The following ADAP1 variants were observed in gnomAD, a reference collection of about 807,000 sequenced individuals.
ADAP1 encodes the protein arf-GAP with dual PH domain-containing protein 1.
A neutral mutation model predicts 54.9 loss-of-function variants in ADAP1; 31 were observed. The observed-to-expected ratio is 0.56, with a 90% confidence interval of 0.42 to 0.76. ADAP1 has a LOEUF of 0.76. ADAP1 is among the 30% of genes least tolerant of loss of function. The probability of loss-of-function intolerance (pLI) is 0.00; values close to 1 mark genes in which losing one functional copy is unlikely to be tolerated. For synonymous variants in ADAP1, 313 were observed against 202.6 expected, an observed-to-expected ratio of 1.55 and a Z score of -4.63; for missense variants, 535 against 512.4, an observed-to-expected ratio of 1.04 and a Z score of -0.42.
chr7:899,309 C>G (rs781437429), intron 9 of ADAP1, 48 bp from the exon 10 acceptor site: 1 of 1,608,482 alleles, frequency 6.2e-7, no homozygotes, highest in South Asian at 1.1e-5. Context: ...CCTTCCAGCC[C>G]CGCTTCACTC....
At chr7:936,807 T>C (rs924500033) in intron 1 of ADAP1, among the ~76,000 whole-genome samples, 1 of 152,240 alleles carries the variant, frequency 6.6e-6, no homozygotes, top group African/African-American at 2.4e-5. Context: ...GGTGCGGCTG[T>C]GGACCCAAGC....
Position 920,899 on chromosome 7 carries a change from A to C in ADAP1, c.306-849T>G. On this transcript the variant is annotated intron_variant, in intron 3 of 10. Transcript: ENST00000265846. The surrounding 1 kb of genome is among the most constrained non-coding windows in gnomAD (Gnocchi z 4.5). Reference sequence around the variant, plus strand: ...ACTCCCAGGGAATTACGCGGCAAAGAACAAATAGGAACCCTGTGGCTTCCT... The same window carrying C: ...ACTCCCAGGGAATTACGCGGCAAAGCACAAATAGGAACCCTGTGGCTTCCT... 1 of 1,546,350 alleles carries C rather than the reference A, an allele frequency of 6.5e-7. No individual in the cohort carries two copies. Among genetic ancestry groups the C allele is most frequent in the Non-Finnish European group, 8.7e-7 (1 of 1,144,000 alleles).
At position 919,973 on chromosome 7, in the gene ADAP1, G is replaced by A. The variant is rs745515488; in HGVS notation, c.383C>T (p.Ser128Leu). Residue 128 changes from serine (S) to leucine (L), a missense_variant, in exon 4 of 11, where the codon TCG (serine) becomes TTG (leucine). Transcript: ENST00000265846. The stretch of plus-strand genomic sequence containing the variant: ...CCCCACCCGGGTGGCCTCACCTGCC[G>A]AGTAGGGCTCCTGCTTCTCCGGGTA... Reference protein sequence around the residue: ...FIYPEKQEPYSAGYREGFLWK... With the variant: ...FIYPEKQEPYLAGYREGFLWK... The A allele has an allele frequency of 6.2e-6, 10 of 1,605,320 alleles. No individual in the cohort carries two copies. Among genetic ancestry groups the A allele is most frequent in the South Asian group, 4.4e-5 (4 of 90,932 alleles).
chr7:919,566 G>C (rs1244745907), intron 4 of ADAP1, among the ~76,000 whole-genome samples: 2 of 148,762 alleles, frequency 1.3e-5, no homozygotes, highest in South Asian at 4.4e-4. Flanking sequence ...CAGAGATAGA[G>C]AGAGGATGAG....
At chr7:906,688 G>GAAA (rs1845417459) in intron 4 of ADAP1, among the ~76,000 whole-genome samples, 1 of 62,754 alleles carries the variant, frequency 1.6e-5, no homozygotes, top group Non-Finnish European at 2.9e-5. Context: ...CAGGGGACAC[G>GAAA]GGGGACATGG....
At chr7:910,270 CT>C (rs543799061) in intron 4 of ADAP1, among the ~76,000 whole-genome samples, 594 of 144,752 alleles carry the variant, frequency 4.1e-3, no homozygotes, top group East Asian at 7.0e-3. Flanking sequence ...GTTTACGAGG[CT>C]TTTTTTTTTT....
chr7:935,292 C>A, intron 2 of ADAP1, 83 bp downstream of exon 2: 1 of 1,505,160 alleles, frequency 6.6e-7, no homozygotes. Context: ...CACAGCCAGG[C>A]CGCCCGGCAT....
In ADAP1 at chr7:919,446, G is replaced by A. The variant is rs370034876; in HGVS notation, c.388+522C>T. ...AAGCCCTCAGTCACGTCACTCAGAG[G>A]GCAAAACAGGTCCGGGGACGCGGGT... On this transcript the variant is annotated intron_variant, in intron 4 of 10. Coordinates refer to ENST00000265846, the MANE Select transcript of ADAP1 (RefSeq NM_006869.4). 1.6e-4 allele frequency among the ~76,000 whole-genome samples: 25 copies of A among 152,078 alleles called. No individual in the cohort carries two copies. The East Asian group carries it at 2.5e-3, about 15-fold the overall frequency.
chr7:948,765 C>T (rs1421611415), intron 1 of ADAP1, among the ~76,000 whole-genome samples: 2 of 152,162 alleles, frequency 1.3e-5, no homozygotes, highest in Admixed American at 6.5e-5. Flanking sequence ...GGCATGATCT[C>T]GGCTCTCTGC....
intron 4 of ADAP1, among the ~76,000 whole-genome samples, chr7:918,588 G>T (rs1191687293): frequency 6.6e-6 from 1 of 152,120 alleles, no homozygotes. Context: ...CCGGGCCCTG[G>T]GGGCTGCTTC....
chr7:943,901 C>T, intron 1 of ADAP1, among the ~76,000 whole-genome samples: 1 of 151,284 alleles, frequency 6.6e-6, no homozygotes, highest in East Asian at 1.9e-4. Context: ...AGAAATTGAC[C>T]TCATCAGAAT....
chr7:923,231 A>C (rs1044900346), intron 3 of ADAP1: 2 of 152,060 alleles, frequency 1.3e-5, no homozygotes, highest in Admixed American at 6.6e-5. Flanking sequence ...ACATGCATGC[A>C]GAGCCCTGTC....
intron 4 of ADAP1, among the ~76,000 whole-genome samples, chr7:917,360 G>C (rs965292989): frequency 1.3e-5 from 2 of 151,144 alleles, no homozygotes; most frequent in Non-Finnish European, 3.0e-5. Context: ...CGCAGTGCCA[G>C]CTCTACCAGG....
chr7:930,958 C>T (rs1487067943), intron 2 of ADAP1, among the ~76,000 whole-genome samples: 6 of 132,008 alleles, frequency 4.5e-5, no homozygotes, highest in Admixed American at 8.5e-5. Context: ...CCAGCCTGGG[C>T]GACAGAGTCA....
intron 4 of ADAP1, among the ~76,000 whole-genome samples, chr7:919,217 T>C (rs992226145): frequency 1.3e-5 from 2 of 152,182 alleles, no homozygotes; most frequent in East Asian, 3.9e-4. Context: ...TGCAGCACAG[T>C]GTTGCCACAC....
intron 4 of ADAP1, among the ~76,000 whole-genome samples, chr7:912,251 G>GA: frequency 6.6e-6 from 1 of 152,160 alleles, no homozygotes; most frequent in Non-Finnish European, 1.5e-5. Flanking sequence ...CCGCGTCTCA[G>GA]CGAGACCAGG....
At chr7:904,018 C>G (rs979634314) in intron 6 of ADAP1, 108 bp downstream of exon 6, 18 of 1,450,566 alleles carry the variant, frequency 1.2e-5, no homozygotes, top group Non-Finnish European at 1.5e-5. Context: ...CCGCCTAGCT[C>G]AAGTGCCTAC....
chr7:939,148 T>C (rs888715570), intron 1 of ADAP1, among the ~76,000 whole-genome samples: 7 of 152,216 alleles, frequency 4.6e-5, no homozygotes, highest in African/African-American at 1.7e-4. Flanking sequence ...TTATGAACTG[T>C]CTATAGCTGC....
chr7:955,265 G>T (rs1278132458), upstream of ADAP1: 5 of 1,545,380 alleles, frequency 3.2e-6, no homozygotes, highest in Non-Finnish European at 3.5e-6. Flanking sequence ...GGGCTGACAG[G>T]TAACAAAAAA....
Sources: gnomAD v4.1 joint callset for allele counts (sites outside exome capture counted in the v4.1 genomes callset) on GRCh38, gnomAD v4.1.1 for gene constraint, Gnocchi (gnomAD v3.1) non-coding constraint, MANE v1.5 for transcripts, NCBI Gene and HGNC (gene_info 2026-07-23, HGNC 2026-07-21) for gene names.